The following ZNF618 variants were observed in gnomAD, a reference collection of about 807,000 sequenced individuals.
ZNF618 encodes the protein neural precursor cell expressed, developmentally down-regulated 10.
Under a neutral mutation model 103.0 loss-of-function variants are expected in ZNF618, and 34 were observed. That is an observed-to-expected ratio of 0.33 (90% CI 0.25 to 0.44). ZNF618 has a LOEUF of 0.44. Ranked by LOEUF, ZNF618 falls within the 20% of genes least tolerant of loss-of-function variation. The probability of loss-of-function intolerance (pLI) is 1.00; values close to 1 mark genes in which losing one functional copy is unlikely to be tolerated. For missense variants in ZNF618, 1,059 were observed against 1,295.4 expected (o/e 0.82, Z 2.80); for synonymous variants, 551 against 542.2 (o/e 1.02, Z -0.23).
At chr9:113,879,397 G>GT (rs35301339) in intron 1 of ZNF618, among the ~76,000 whole-genome samples, 10,404 of 95,564 alleles carry the variant, frequency 0.11, 1,121 homozygotes, top group African/African-American at 0.29. Context: ...TTTTTTTTCT[G>GT]TTTTTTTTTT....
At chr9:113,915,563 A>G (rs1384609916) in intron 1 of ZNF618, among the ~76,000 whole-genome samples, 1 of 152,194 alleles carries the variant, frequency 6.6e-6, no homozygotes, top group Admixed American at 6.5e-5. Context: ...GAAAAGGTAG[A>G]AAGATTCTAA....
chr9:113,919,910 G>A (rs1325849012), intron 1 of ZNF618, among the ~76,000 whole-genome samples: 1 of 152,188 alleles, frequency 6.6e-6, no homozygotes, highest in Non-Finnish European at 1.5e-5. Context: ...CAGCCTTCGC[G>A]TCACCCCAGG....
At chr9:113,890,949 C>A (rs761006364) in intron 1 of ZNF618, among the ~76,000 whole-genome samples, 1 of 152,044 alleles carries the variant, frequency 6.6e-6, no homozygotes, top group Non-Finnish European at 1.5e-5. Context: ...TTTTCTCTTG[C>A]GGTGTTTGTC....
intron 1 of ZNF618, among the ~76,000 whole-genome samples, chr9:113,926,340 C>A (rs4287014): frequency 2.1e-4 from 32 of 151,718 alleles, no homozygotes; most frequent in Admixed American, 1.2e-3. Flanking sequence ...GAGTATGATA[C>A]GCTGGGATAC....
At position 114,001,959 on chromosome 9, in the gene ZNF618, G is replaced by A. The variant is rs1266447311; in HGVS notation, c.434-37G>A. ...GGTCCTGGGACCTTGTGGTCACAGA[G>A]GTTGGGTGACCAGTCCTTTCCTCTT... On this transcript the variant is annotated intron_variant, in intron 4 of 14. Transcript: ENST00000374126. The A allele has an allele frequency of 3.8e-6, 6 of 1,578,910 alleles. No individual in the cohort carries two copies. The African/African-American group carries it at 8.1e-5, about 21-fold the overall frequency.
intron 1 of ZNF618, among the ~76,000 whole-genome samples, chr9:113,958,015 T>G (rs910103657): frequency 1.3e-5 from 2 of 151,984 alleles, no homozygotes; most frequent in African/African-American, 4.8e-5. Flanking sequence ...TGGAATTCAG[T>G]CACATGACTC....
chr9:113,973,556 C>G (rs1461707617), intron 2 of ZNF618, among the ~76,000 whole-genome samples: 1 of 152,054 alleles, frequency 6.6e-6, no homozygotes, highest in African/African-American at 2.4e-5. Flanking sequence ...CAAACTGGGT[C>G]GATTTTACAA....
In ZNF618 at chr9:114,022,776, C is replaced by T. The variant is rs552145859; in HGVS notation, c.845-5957C>T. Among the ~76,000 whole-genome samples, 7 of 151,956 alleles carry T rather than the reference C, an allele frequency of 4.6e-5. No homozygotes were observed. In the South Asian group the frequency reaches 1.5e-3, roughly 32 times the overall value. Reference sequence around the variant, plus strand: ...TCTAATGGTGGATTTGTCTATTTCCCCTTTTAGGTTTGTCAGTCTTCAATT... The same window carrying T: ...TCTAATGGTGGATTTGTCTATTTCCTCTTTTAGGTTTGTCAGTCTTCAATT... On this transcript the variant is annotated intron_variant, in intron 10 of 14. Transcript: ENST00000374126.
chr9:113,975,302 C>T (rs1175771668), intron 2 of ZNF618, among the ~76,000 whole-genome samples: 2 of 152,124 alleles, frequency 1.3e-5, no homozygotes, highest in African/African-American at 4.8e-5. Flanking sequence ...ATGGAGTCAC[C>T]CAGATGGTAA....
chr9:114,038,754 G>A (rs1010487730), intron 13 of ZNF618, among the ~76,000 whole-genome samples: 1 of 152,132 alleles, frequency 6.6e-6, no homozygotes, highest in Non-Finnish European at 1.5e-5. Context: ...AGAGCTTTAC[G>A]CAGGTTATTT....
chr9:113,997,065 T>C (rs908349631), intron 3 of ZNF618, among the ~76,000 whole-genome samples: 8 of 151,996 alleles, frequency 5.3e-5, no homozygotes, highest in Admixed American at 1.3e-4. Flanking sequence ...TCTTTCTTTT[T>C]TTTTTCTTCT....
At chr9:113,963,442 G>T (rs2132628544) in intron 1 of ZNF618, among the ~76,000 whole-genome samples, 1 of 152,272 alleles carries the variant, frequency 6.6e-6, no homozygotes, top group South Asian at 2.1e-4. Context: ...GGGCATTTGA[G>T]CATGCAGAGA....
intron 1 of ZNF618, among the ~76,000 whole-genome samples, chr9:113,967,131 C>T (rs536870986): frequency 6.6e-6 from 1 of 152,304 alleles, no homozygotes; most frequent in African/African-American, 2.4e-5. Flanking sequence ...TAAAAATACA[C>T]GCACAGAATT....
chr9:113,910,004 C>G (rs1390671132), intron 1 of ZNF618, among the ~76,000 whole-genome samples: 1 of 152,206 alleles, frequency 6.6e-6, no homozygotes, highest in East Asian at 1.9e-4. Context: ...AGGCTGGTCT[C>G]GAACTCCTGA....
intron 1 of ZNF618, among the ~76,000 whole-genome samples, chr9:113,918,261 A>T (rs1345365571): frequency 6.6e-6 from 1 of 152,138 alleles, no homozygotes; most frequent in African/African-American, 2.4e-5. Context: ...GGTATTGATG[A>T]CTTACTACTG....
At chr9:113,938,539 G>A (rs1424567191) in intron 1 of ZNF618, among the ~76,000 whole-genome samples, 1 of 148,760 alleles carries the variant, frequency 6.7e-6, no homozygotes, top group African/African-American at 2.5e-5. Flanking sequence ...TTTGTAGGAT[G>A]TGATTCCTCC....
intron 1 of ZNF618, among the ~76,000 whole-genome samples, chr9:113,924,623 G>T (rs1456961905): frequency 6.6e-6 from 1 of 151,224 alleles, no homozygotes; most frequent in Non-Finnish European, 1.5e-5. Context: ...AGTTTTCTAA[G>T]GTAGATGCTC....
At chr9:113,937,473 T>A (rs922139142) in intron 1 of ZNF618, among the ~76,000 whole-genome samples, 1 of 152,244 alleles carries the variant, frequency 6.6e-6, no homozygotes. Context: ...TATATTCCTA[T>A]GTTTTTTATA....
intron 1 of ZNF618, among the ~76,000 whole-genome samples, chr9:113,903,194 A>G (rs1372475499): frequency 2.0e-5 from 3 of 152,210 alleles, no homozygotes; most frequent in Non-Finnish European, 4.4e-5. Flanking sequence ...CTTGAAATGC[A>G]TGAGCGAATA....
Sources: allele counts gnomAD v4.1 joint callset (sites outside exome capture counted in the v4.1 genomes callset), GRCh38; gene constraint gnomAD v4.1.1; transcripts MANE v1.5; gene names NCBI Gene and HGNC (gene_info 2026-07-23, HGNC 2026-07-21).